Variants in PCP4 observed in about 807,000 individuals in gnomAD.
PCP4 encodes the protein calmodulin regulator protein PCP4.
Under a neutral mutation model 10.0 loss-of-function variants are expected in PCP4, and 8 were observed. That is an observed-to-expected ratio of 0.80 (90% CI 0.47 to 1.45). The LOEUF (loss-of-function observed/expected upper bound fraction) is 1.45, where lower values mean the gene tolerates loss of function less well. Among genes scored for constraint, PCP4 ranks in the 40% most tolerant of loss-of-function variants. The pLI, the probability that PCP4 is intolerant of heterozygous loss-of-function variation, is 0.00. For missense variants in PCP4, 54 were observed against 74.4 expected, an observed-to-expected ratio of 0.73 and a Z score of 1.01; for synonymous variants, 21 against 23.0, an observed-to-expected ratio of 0.91 and a Z score of 0.24.
intron 2 of PCP4, among the ~76,000 whole-genome samples, chr21:39,911,529 G>A (rs537650043): frequency 1.5e-3 from 225 of 152,290 alleles, no homozygotes; most frequent in Non-Finnish European, 2.3e-3. Flanking sequence ...GTGTGACTGC[G>A]ATCTTTCAGG....
intron 2 of PCP4, among the ~76,000 whole-genome samples, chr21:39,902,334 A>G (rs982724010): frequency 1.3e-5 from 2 of 152,242 alleles, no homozygotes; most frequent in African/African-American, 4.8e-5. Flanking sequence ...CATTTAATGT[A>G]TAAAGCAATA....
intron 1 of PCP4, among the ~76,000 whole-genome samples, chr21:39,895,173 A>G (rs1044184112): frequency 1.3e-5 from 2 of 152,052 alleles, no homozygotes; most frequent in African/African-American, 4.8e-5. Context: ...CCATCCACCC[A>G]TTCATCCACC....
chr21:39,894,027 G>C (rs2087445989), intron 1 of PCP4, among the ~76,000 whole-genome samples: 1 of 152,162 alleles, frequency 6.6e-6, no homozygotes, highest in African/African-American at 2.4e-5. Context: ...ATGGGGACAA[G>C]GTGTTGTGGA....
rs150242625 is a variant in PCP4, at chr21:39,892,155, G to C, written c.10-6321G>C. ...AGGAGCCCTCAAGCGGCCCCTATGC[G>C]GGCGTGACAGAGGGCTCACCTCTTG... is the stretch of plus-strand genomic sequence containing the variant. On this transcript the variant is annotated intron_variant, in intron 1 of 2. Coordinates refer to ENST00000328619, the MANE Select transcript of PCP4 (RefSeq NM_006198.3). Among the ~76,000 whole-genome samples the C allele has an allele frequency of 3.3e-5, 5 of 152,258 alleles. No individual in the cohort carries two copies. In the South Asian group the frequency reaches 1.0e-3, roughly 32 times the overall value.
intron 1 of PCP4, among the ~76,000 whole-genome samples, chr21:39,885,089 G>A (rs947859093): frequency 2.0e-5 from 3 of 152,190 alleles, no homozygotes; most frequent in Non-Finnish European, 4.4e-5. Context: ...TGACACCAGA[G>A]TGACCTATGT....
intron 2 of PCP4, among the ~76,000 whole-genome samples, chr21:39,921,933 T>G (rs1469373235): frequency 6.6e-6 from 1 of 152,204 alleles, no homozygotes; most frequent in African/African-American, 2.4e-5. Context: ...AGCACCAAAC[T>G]CTGTTGTATC....
chr21:39,924,882 C>A (rs967370156), intron 2 of PCP4, among the ~76,000 whole-genome samples: 2 of 152,206 alleles, frequency 1.3e-5, no homozygotes, highest in African/African-American at 4.8e-5. Flanking sequence ...AGGCTCTGTT[C>A]TAGGCAAGAA....
intron 1 of PCP4, 111 bp downstream of exon 1, chr21:39,867,621 A>G (rs991772510): frequency 9.9e-7 from 1 of 1,006,232 alleles, no homozygotes; most frequent in African/African-American, 1.6e-5. Context: ...GAACAAATTA[A>G]TCCTGTAATT....
chr21:39,904,443 G>A (rs2087496847), intron 2 of PCP4, among the ~76,000 whole-genome samples: 1 of 152,210 alleles, frequency 6.6e-6, no homozygotes. Context: ...TCAGCTTGGA[G>A]TAAGAAGAAA....
At chr21:39,893,014 G>A (rs1449787839) in intron 1 of PCP4, among the ~76,000 whole-genome samples, 2 of 152,144 alleles carry the variant, frequency 1.3e-5, no homozygotes, top group Admixed American at 1.3e-4. Flanking sequence ...GACACGGAGG[G>A]TAGAAGGATG....
chr21:39,880,178 A>ATATCTATATCTG (rs1568850680), intron 1 of PCP4, among the ~76,000 whole-genome samples: 1 of 141,428 alleles, frequency 7.1e-6, no homozygotes, highest in Non-Finnish European at 1.5e-5. Flanking sequence ...ATCTATATCT[A>ATATCTATATCTG]TATCTATATC....
At chr21:39,887,047 G>A (rs143448151) in intron 1 of PCP4, among the ~76,000 whole-genome samples, 6 of 152,112 alleles carry the variant, frequency 3.9e-5, no homozygotes, top group African/African-American at 9.6e-5. Flanking sequence ...TAGAAAATGC[G>A]AATTTTAAAA....
At chr21:39,898,278 G>T in intron 1 of PCP4, 198 bp from the exon 2 acceptor site, 1 of 639,076 alleles carries the variant, frequency 1.6e-6, no homozygotes. Context: ...GGATGAGGGG[G>T]CCGGTCTGTG....
intron 2 of PCP4, among the ~76,000 whole-genome samples, chr21:39,904,670 A>T (rs1259418104): frequency 1.3e-5 from 2 of 152,178 alleles, no homozygotes; most frequent in African/African-American, 4.8e-5. Context: ...TCTGCTTCAG[A>T]TGTGGATTGT....
chr21:39,920,135 TGTGTGTG>T (rs2087588864), intron 2 of PCP4, among the ~76,000 whole-genome samples: 1 of 144,000 alleles, frequency 6.9e-6, no homozygotes, highest in Admixed American at 7.0e-5. Context: ...GTGTGTGTGG[TGTGTGTG>T]GTGTAGTGTG....
At chr21:39,875,960 C>T (rs191121331) in intron 1 of PCP4, among the ~76,000 whole-genome samples, 9 of 151,748 alleles carry the variant, frequency 5.9e-5, no homozygotes, top group African/African-American at 1.5e-4. Flanking sequence ...GTATTGGTGC[C>T]CATGAAGACA....
chr21:39,904,556 TG>T lies in PCP4; in HGVS notation c.61+6032del, dbSNP rs1260431447. ...GATGCTGCCTGGCTGATCTTGCTCC[TG>T]GGCACAGGGTGGCTGGATGGAAGGC... is the stretch of plus-strand genomic sequence containing the variant. On this transcript the variant is annotated intron_variant, in intron 2 of 2. Coordinates refer to ENST00000328619, the MANE Select transcript of PCP4 (RefSeq NM_006198.3). Among the ~76,000 whole-genome samples, 8 of 152,324 alleles carry T rather than the reference TG, an allele frequency of 5.3e-5. No individual in the cohort carries two copies. In the East Asian group the frequency reaches 1.5e-3, roughly 29 times the overall value.
At chr21:39,920,770 T>G (rs1156532104) in intron 2 of PCP4, among the ~76,000 whole-genome samples, 1 of 152,224 alleles carries the variant, frequency 6.6e-6, no homozygotes, top group African/African-American at 2.4e-5. Flanking sequence ...ATGTTAATTA[T>G]TTGAAGCCTG....
At chr21:39,869,510 C>T (rs2087309821) in intron 1 of PCP4, among the ~76,000 whole-genome samples, 1 of 152,194 alleles carries the variant, frequency 6.6e-6, no homozygotes, top group Non-Finnish European at 1.5e-5. Flanking sequence ...TCTGCCTCCC[C>T]TTGCTGCTCA....
Sources: gnomAD v4.1 joint callset for allele counts (sites outside exome capture counted in the v4.1 genomes callset) on GRCh38, gnomAD v4.1.1 for gene constraint, MANE v1.5 for transcripts, NCBI Gene and HGNC (gene_info 2026-07-23, HGNC 2026-07-21) for gene names.